The following FBN2 variants were observed in gnomAD, a reference collection of about 807,000 sequenced individuals.
FBN2 encodes fibrillin-2.
In FBN2, 105 loss-of-function variants were observed where a neutral mutation model predicts 355.6. The observed-to-expected ratio is 0.30, with a 90% CI of 0.25 to 0.35. The LOEUF is 0.35. Ranked by LOEUF, FBN2 falls within the 10% of genes least tolerant of loss-of-function variation. The pLI, the probability that FBN2 is intolerant of heterozygous loss-of-function variation, is 1.00. For missense variants in FBN2, 3,280 were observed against 3,758.7 expected, an observed-to-expected ratio of 0.87 and a Z score of 3.33; for synonymous variants, 1,350 against 1,301.2, an observed-to-expected ratio of 1.04 and a Z score of -0.81.
chr5:128,301,012 A>T, intron 47 of FBN2, 76 bp from the exon 48 acceptor site: 1 of 1,414,350 alleles, frequency 7.1e-7, no homozygotes, highest in Non-Finnish European at 9.9e-7. Flanking sequence ...CTGCCAAATG[A>T]TATTAACATG....
At chr5:128,377,971 C>A in intron 12 of FBN2, 94 bp from the exon 13 acceptor site, 9 of 1,148,992 alleles carry the variant, frequency 7.8e-6, no homozygotes, top group South Asian at 1.3e-5. Flanking sequence ...TATTCAAAAT[C>A]ATGTTACTTC....
At chr5:128,436,102 C>T (rs1753761794) in intron 7 of FBN2, among the ~76,000 whole-genome samples, 1 of 152,198 alleles carries the variant, frequency 6.6e-6, no homozygotes, top group Admixed American at 6.5e-5. Flanking sequence ...AGTTGCTTAA[C>T]ACATGTGTTT....
chr5:128,349,237 A>C, intron 23 of FBN2, 110 bp downstream of exon 23: 1 of 1,290,564 alleles, frequency 7.7e-7, no homozygotes. Context: ...ATCTCATTTA[A>C]AGCAAGTTTT....
chr5:128,305,827 A>G lies in FBN2; in HGVS notation c.5544T>C (p.Cys1848=), dbSNP rs1749855687. 5 of 1,614,064 alleles carry G rather than the reference A, an allele frequency of 3.1e-6. No individual in the cohort carries two copies. The highest frequency in any genetic ancestry group is 1.6e-4 in the Middle Eastern group (1 of 6,062). ...GACATACTTTATTCAGATTACCTTCACAAACCAACAGCAGGTCATTGTAAC... is the reference window on the plus strand; with the variant it reads ...GACATACTTTATTCAGATTACCTTCGCAAACCAACAGCAGGTCATTGTAAC... ...GFSYNDLLLV[C]EDIDECSNGD... The change falls in exon 43 of 65, where the codon TGT becomes TGC. Residue 1848 remains cysteine (C), a synonymous_variant. Transcript: ENST00000262464.
rs776314759 is a variant in FBN2, at chr5:128,349,471, A to G, written c.2865T>C (p.Asp955=). The change falls in exon 23 of 65, where the codon GAT becomes GAC. Residue 955 remains aspartate, a splice_region_variant and synonymous_variant. Transcript: ENST00000262464. ...LARIKGVTCE[D]VNECEVFPGV... ...CAGGGAACACCTCACACTCATTAAC[A>G]TCTGCAGGGAAATGCAGCAAGCAGA... 4 of 1,613,946 alleles carry G rather than the reference A, an allele frequency of 2.5e-6. No homozygotes were observed. The highest frequency in any genetic ancestry group is 1.1e-5 in the South Asian group (1 of 91,022).
intron 61 of FBN2, among the ~76,000 whole-genome samples, chr5:128,272,695 A>C (rs1765298076): frequency 6.6e-6 from 1 of 151,916 alleles, no homozygotes; most frequent in African/African-American, 2.4e-5. Flanking sequence ...GTATTATTAT[A>C]CATGTGGAAT....
intron 15 of FBN2, among the ~76,000 whole-genome samples, chr5:128,373,226 C>T (rs1751992272): frequency 6.6e-6 from 1 of 152,156 alleles, no homozygotes; most frequent in African/African-American, 2.4e-5. Flanking sequence ...CCCTCCAAAA[C>T]TGGCTTTGTG....
At chr5:128,402,864 C>T (rs1427177742) in intron 8 of FBN2, among the ~76,000 whole-genome samples, 4 of 152,168 alleles carry the variant, frequency 2.6e-5, no homozygotes. Context: ...TTCATGTTTA[C>T]ATTGTTTAAG....
At chr5:128,288,164 C>T (rs987063070) in intron 53 of FBN2, among the ~76,000 whole-genome samples, 1 of 152,092 alleles carries the variant, frequency 6.6e-6, no homozygotes, top group African/African-American at 2.4e-5. Flanking sequence ...AGGCAGGAAA[C>T]TGTGACTCCA....
In FBN2 at chr5:128,530,207, A is replaced by G. The variant is rs1364411466; in HGVS notation, c.436+388T>C. ...AGTTGTTGGCAGTTAATACATGTGA[A>G]GCAAAATAGGTCCATTATGTGTAAA... On this transcript the variant is annotated intron_variant, in intron 3 of 64. Transcript: ENST00000262464. Among the ~76,000 whole-genome samples the G allele has an allele frequency of 1.3e-5, 2 of 152,208 alleles. 1 individual carries two copies. The highest frequency in any genetic ancestry group is 2.9e-5 in the Non-Finnish European group (2 of 68,032).
At chr5:128,375,407 G>A (rs1345106883) in intron 14 of FBN2, among the ~76,000 whole-genome samples, 1 of 152,124 alleles carries the variant, frequency 6.6e-6, no homozygotes, top group Non-Finnish European at 1.5e-5. Context: ...GTCACATACT[G>A]TAACATAATT....
chr5:128,376,018 A>G (rs964724908), intron 14 of FBN2, among the ~76,000 whole-genome samples: 2 of 152,202 alleles, frequency 1.3e-5, no homozygotes, highest in African/African-American at 2.4e-5. Context: ...CCTAGGTGAC[A>G]GAGCAAAAAC....
intron 48 of FBN2, among the ~76,000 whole-genome samples, chr5:128,300,020 A>G (rs1749670814): frequency 6.6e-6 from 1 of 152,266 alleles, no homozygotes; most frequent in East Asian, 1.9e-4. Flanking sequence ...ATTAAATTCT[A>G]TGAAGTAAAC....
chr5:128,331,896 GAA>G (rs1376317435), intron 32 of FBN2, among the ~76,000 whole-genome samples: 1 of 152,130 alleles, frequency 6.6e-6, no homozygotes, highest in African/African-American at 2.4e-5. Flanking sequence ...GCCAAAAAGA[GAA>G]AAAGAGTAGG....
chr5:128,332,647 A>G (rs1235462602), intron 32 of FBN2, among the ~76,000 whole-genome samples: 1 of 152,200 alleles, frequency 6.6e-6, no homozygotes, highest in African/African-American at 2.4e-5. Flanking sequence ...ATTTTTCATC[A>G]TACAGCTGTG....
At position 128,335,444 on chromosome 5, in the gene FBN2, C is replaced by A. The variant is rs1346065724; in HGVS notation, c.3847+11G>T. 2.5e-6 allele frequency: 4 copies of A among 1,614,064 alleles called. No homozygotes were observed. ...TAGATGTACAAAACCTGTGTGTTTT[C>A]CTTTCTATACCTGCACACGATCTCC... On this transcript the variant is annotated intron_variant, in intron 29 of 64. Transcript: ENST00000262464.
At chr5:128,393,016 C>A (rs1752558441) in intron 10 of FBN2, 119 bp downstream of exon 10, 1 of 836,832 alleles carries the variant, frequency 1.2e-6, no homozygotes, top group African/African-American at 1.7e-5. Context: ...CCCACAAACA[C>A]ACACACACAT....
rs931046977 is a variant in FBN2, at chr5:128,338,080, C to G, written c.3515G>C (p.Gly1172Ala). 2 of 1,613,942 alleles carry G rather than the reference C, an allele frequency of 1.2e-6. No individual in the cohort carries two copies. Among genetic ancestry groups the G allele is most frequent in the Admixed American group, 3.3e-5 (2 of 60,018 alleles). The change falls in exon 27 of 65, where the codon GGC becomes GCC. Residue 1172 changes from glycine (G) to alanine (A), a missense_variant. Physicochemically the swap from Gly to Ala is moderately conservative, Grantham distance 60. Transcript: ENST00000262464. ...CERNPLLCRG[G>A]TCVNTEGSFQ... ...GCTGCCCTCAGTGTTCACACAGGTG[C>G]CACCCCTACAAAGGAGAGGGTTACG...
chr5:128,303,637 A>C (rs972750544), intron 45 of FBN2, among the ~76,000 whole-genome samples: 1 of 152,210 alleles, frequency 6.6e-6, no homozygotes, highest in Non-Finnish European at 1.5e-5. Flanking sequence ...ATGAGACAGC[A>C]GACTCCCCAA....
Sources: gnomAD v4.1 joint callset for allele counts (sites outside exome capture counted in the v4.1 genomes callset) on GRCh38, gnomAD v4.1.1 for gene constraint, MANE v1.5 for transcripts, NCBI Gene and HGNC (gene_info 2026-07-23, HGNC 2026-07-21) for gene names.